CMTR1: variants seen among roughly 807,000 people sequenced by gnomAD.
CMTR1 encodes the protein cap methyltransferase 1.
In CMTR1, 39 loss-of-function variants were observed where a neutral mutation model predicts 107.0. The observed-to-expected ratio is 0.36, with a 90% CI of 0.28 to 0.48. The LOEUF is 0.48. Ranked by LOEUF, CMTR1 falls within the 20% of genes least tolerant of loss-of-function variation. The probability of loss-of-function intolerance (pLI) is 0.99; values close to 1 mark genes in which losing one functional copy is unlikely to be tolerated. For synonymous variants in CMTR1, 366 were observed against 379.5 expected (o/e 0.96, Z 0.41); for missense variants, 672 against 1,064.9 (o/e 0.63, Z 5.14).
At chr6:37,447,171 C>A (rs539805354) in intron 4 of CMTR1, among the ~76,000 whole-genome samples, 4 of 152,318 alleles carry the variant, frequency 2.6e-5, no homozygotes, top group South Asian at 4.1e-4. Flanking sequence ...ACTCAAACAT[C>A]TAGCTTTCTG....
chr6:37,475,763 GT>G (rs1761723827), intron 19 of CMTR1: 6 of 480,592 alleles, frequency 1.2e-5, no homozygotes, highest in Non-Finnish European at 2.3e-5. Flanking sequence ...TCCCATTTAA[GT>G]TGCTCATCTG....
At position 37,472,168 on chromosome 6, in the gene CMTR1, G is replaced by A. The variant is rs1004704487; in HGVS notation, c.1621-251G>A. ...GGCCGGTGTCAGTTTTGCAACTGGT[G>A]GCCCCTTGTAGCAGCACTGACAACA... On this transcript the variant is annotated intron_variant, in intron 15 of 23. Coordinates refer to ENST00000373451, the MANE Select transcript of CMTR1 (RefSeq NM_015050.3). This position sits in a 1 kb window ranked among gnomAD's most constrained non-coding sequence, Gnocchi z 4.1. Among the ~76,000 whole-genome samples the A allele has an allele frequency of 1.3e-4, 20 of 152,122 alleles. No homozygotes were observed. Among genetic ancestry groups the A allele is most frequent in the Non-Finnish European group, 2.8e-4 (19 of 67,998 alleles).
intron 10 of CMTR1, 109 bp from the exon 11 acceptor site, chr6:37,461,440 G>A (rs1173565432): frequency 1.5e-5 from 9 of 607,146 alleles, no homozygotes; most frequent in Non-Finnish European, 2.7e-5. Context: ...CAATCAGATG[G>A]TGATCAGTGA....
rs985110341 is a variant in CMTR1, at chr6:37,480,577, A to G, written c.*432A>G. On this transcript the variant is annotated 3_prime_UTR_variant, in exon 24 of 24. Coordinates refer to ENST00000373451, the MANE Select transcript of CMTR1 (RefSeq NM_015050.3). ...GCTTTGCCCAACTTTTTATTGGGCC[A>G]TCCCTGAGTGGGTGGAGACCTGCTG... 23 of 1,038,762 alleles carry G rather than the reference A, an allele frequency of 2.2e-5. No homozygotes were observed. In the African/African-American group the frequency reaches 3.6e-4, roughly 16 times the overall value. The allele number at this position is 1,038,762 out of a possible 1,614,324, so 64.3% of individuals were successfully genotyped here.
intron 20 of CMTR1, among the ~76,000 whole-genome samples, 160 bp downstream of exon 20, chr6:37,476,354 G>C (rs937924785): frequency 2.0e-5 from 3 of 152,090 alleles, no homozygotes; most frequent in Non-Finnish European, 4.4e-5. Context: ...CTAGGTAGGT[G>C]ACTTGCCCCA....
rs1365260999 is a variant in CMTR1, at chr6:37,461,465, C to T, written c.1096-84C>T. ...GTGATCAGTGAAAACACTTCAAGAA[C>T]TCTCGATGAAGATGAGGTAGTGATG... On this transcript the variant is annotated intron_variant, in intron 10 of 23. Transcript: ENST00000373451. 6 of 710,474 alleles carry T rather than the reference C, an allele frequency of 8.4e-6. No individual in the cohort carries two copies. The East Asian group carries it at 1.6e-4, about 18-fold the overall frequency. The allele number at this position is 710,474 out of a possible 1,614,324, so 44.0% of individuals were successfully genotyped here.
rs897703121 is a variant in CMTR1, at chr6:37,453,296, C to T, written c.761C>T (p.Pro254Leu). The change falls in exon 8 of 24, where the codon CCG becomes CTG. Residue 254 changes from proline (P) to leucine (L), a missense_variant. Pro to Leu is a moderately conservative substitution (Grantham distance 98, BLOSUM62 -3). Transcript: ENST00000373451. ...GTATTTGATCGCATGTTCACAAATC[C>T]GCGGGACTCTTATGGGGTGAGAACA... ...DFVFDRMFTNPRDSYGKPLVK... is the reference protein window; with the variant it reads ...DFVFDRMFTNLRDSYGKPLVK... 2 of 1,613,976 alleles carry T rather than the reference C, an allele frequency of 1.2e-6. No homozygotes were observed. The highest frequency in any genetic ancestry group is 1.7e-6 in the Non-Finnish European group (2 of 1,180,000).
intron 13 of CMTR1, among the ~76,000 whole-genome samples, chr6:37,469,076 A>G (rs1443265157): frequency 6.6e-6 from 1 of 152,038 alleles, no homozygotes; most frequent in African/African-American, 2.4e-5. Flanking sequence ...TGGAGGCTGC[A>G]GTGAGCCGAG....
In CMTR1 at chr6:37,473,538, C is replaced by T. The variant is rs754251862; in HGVS notation, c.1758C>T (p.Arg586=). ...CCTCTAAAACCCTGGAGAAGATCCG[C>T]CCTGTGTTTGACTACCGCTGCATGG... ...LLTSKTLEKI[R]PVFDYRCMVS... is the part of the protein sequence containing the mutation. Residue 586 remains arginine, a synonymous_variant, in exon 17 of 24, where the codon CGC becomes CGT. Coordinates refer to ENST00000373451, the MANE Select transcript of CMTR1 (RefSeq NM_015050.3). The T allele has an allele frequency of 6.2e-7, 1 of 1,614,162 alleles. No individual in the cohort carries two copies. The highest frequency in any genetic ancestry group is 8.5e-7 in the Non-Finnish European group (1 of 1,180,026).
chr6:37,444,206 G>A, intron 3 of CMTR1, 56 bp downstream of exon 3: 1 of 1,574,912 alleles, frequency 6.3e-7, no homozygotes, highest in Non-Finnish European at 8.6e-7. Context: ...TGAAAGAAGG[G>A]CAATTTGTAT....
At chr6:37,469,296 A>G (rs1761575535) in intron 13 of CMTR1, among the ~76,000 whole-genome samples, 1 of 152,090 alleles carries the variant, frequency 6.6e-6, no homozygotes, top group Admixed American at 6.5e-5. Flanking sequence ...ATGAAAAGTC[A>G]GCCATTATAC....
intron 10 of CMTR1, among the ~76,000 whole-genome samples, 178 bp from the exon 11 acceptor site, chr6:37,461,371 C>T (rs982315836): frequency 3.3e-5 from 5 of 152,240 alleles, no homozygotes; most frequent in African/African-American, 9.6e-5. Flanking sequence ...CCTGTGCTTA[C>T]TCCATCTAAC....
chr6:37,434,267 T>A (rs556809149), intron 1 of CMTR1, among the ~76,000 whole-genome samples: 1 of 152,274 alleles, frequency 6.6e-6, no homozygotes. Flanking sequence ...GTTGATTGGC[T>A]CTTCCTTGAG....
chr6:37,438,312 A>G (rs971970614), intron 2 of CMTR1, among the ~76,000 whole-genome samples: 1 of 152,092 alleles, frequency 6.6e-6, no homozygotes, highest in Non-Finnish European at 1.5e-5. Context: ...CCTAGGAGGT[A>G]GAGGTTGCAC....
intron 13 of CMTR1, among the ~76,000 whole-genome samples, chr6:37,470,817 G>A (rs1177955132): frequency 6.6e-6 from 1 of 152,126 alleles, no homozygotes; most frequent in African/African-American, 2.4e-5. Context: ...AGAACTGAGT[G>A]ACCCAGTTTT....
At chr6:37,454,425 A>G (rs2113874828) in intron 8 of CMTR1, among the ~76,000 whole-genome samples, 2 of 152,352 alleles carry the variant, frequency 1.3e-5, no homozygotes, top group East Asian at 3.9e-4. Context: ...GGCTCTTGGA[A>G]TTAGCATCTT....
intron 2 of CMTR1, among the ~76,000 whole-genome samples, chr6:37,441,732 A>G (rs944320708): frequency 8.5e-5 from 13 of 152,184 alleles, no homozygotes; most frequent in Non-Finnish European, 1.8e-4. Flanking sequence ...AAACTAATAC[A>G]TTCTTGTGTC....
chr6:37,431,599 T>G (rs1771373385), upstream of CMTR1, among the ~76,000 whole-genome samples: 1 of 152,130 alleles, frequency 6.6e-6, no homozygotes, highest in Non-Finnish European at 1.5e-5. Flanking sequence ...CACAGGCCAT[T>G]ATACAACACC....
chr6:37,436,880 T>C (rs897364362), intron 2 of CMTR1, among the ~76,000 whole-genome samples: 7 of 152,136 alleles, frequency 4.6e-5, no homozygotes, highest in African/African-American at 1.7e-4. Context: ...TGGAATGAAA[T>C]TTCATAACAG....
Sources: allele counts gnomAD v4.1 joint callset (sites outside exome capture counted in the v4.1 genomes callset), GRCh38; gene constraint gnomAD v4.1.1; non-coding constraint Gnocchi (gnomAD v3.1); transcripts MANE v1.5; gene names NCBI Gene and HGNC (gene_info 2026-07-23, HGNC 2026-07-21).